Variants in KIF25 observed in about 807,000 individuals in gnomAD.
The protein encoded by KIF25 is kinesin-like protein KIF25.
KIF25 carries 19 observed loss-of-function variants against 32.9 expected under a neutral mutation model. The ratio of observed to expected loss-of-function variants is 0.58; its 90% CI spans 0.40 to 0.85. The LOEUF is 0.85. Ranked by LOEUF, KIF25 falls within the 40% of genes least tolerant of loss-of-function variation. KIF25 has a pLI of 0.00. For synonymous variants in KIF25, 225 were observed against 213.7 expected (o/e 1.05, Z -0.46); for missense variants, 485 against 507.0 (o/e 0.96, Z 0.42).
chr6:168,025,568 C>T (rs1224563195), intron 5 of KIF25, among the ~76,000 whole-genome samples: 1 of 152,104 alleles, frequency 6.6e-6, no homozygotes, highest in Non-Finnish European at 1.5e-5. Flanking sequence ...CTCCCGACCC[C>T]ACCTCCAATC....
intron 2 of KIF25, among the ~76,000 whole-genome samples, chr6:168,001,976 CT>C (rs1798511913): frequency 1.5e-5 from 2 of 131,242 alleles, no homozygotes; most frequent in African/African-American, 2.8e-5. Flanking sequence ...GAGAAGACAC[CT>C]TCAGGCGTAG....
chr6:168,011,258 G>T (rs552457746), intron 4 of KIF25, among the ~76,000 whole-genome samples: 9 of 151,932 alleles, frequency 5.9e-5, no homozygotes, highest in Admixed American at 2.0e-4. Context: ...GATTCCTTTT[G>T]GTATCTTCTT....
At chr6:168,006,573 C>T (rs1798582767) in intron 4 of KIF25, among the ~76,000 whole-genome samples, 1 of 152,130 alleles carries the variant, frequency 6.6e-6, no homozygotes, top group South Asian at 2.1e-4. Flanking sequence ...GTTACAAAGT[C>T]CCCAGTGAGA....
intron 8 of KIF25, among the ~76,000 whole-genome samples, chr6:168,037,137 A>G (rs949208558): frequency 1.3e-4 from 20 of 152,350 alleles, no homozygotes; most frequent in African/African-American, 4.6e-4. Context: ...TGTTGCACAC[A>G]CTCAGAGTGT....
Position 168,040,217 on chromosome 6 carries a change from G to A in KIF25, c.646+1G>A, listed in dbSNP as rs142052593. ...ACAGCCTCCTGCTCTGACAGCACTG[G>A]TAAGTCACCATTTGTGCTTGGTCAG... On this transcript the variant is annotated splice_donor_variant, in intron 10 of 12. Coordinates refer to ENST00000643607, the MANE Select transcript of KIF25 (RefSeq NM_030615.4). LOFTEE classifies it high-confidence loss of function. 1 of 1,608,740 alleles carries A rather than the reference G, an allele frequency of 6.2e-7. No individual in the cohort carries two copies. Among genetic ancestry groups the A allele is most frequent in the African/African-American group, 1.3e-5 (1 of 74,764 alleles).
At chr6:168,024,347 C>T (rs1409100860) in intron 5 of KIF25, among the ~76,000 whole-genome samples, 1 of 150,830 alleles carries the variant, frequency 6.6e-6, no homozygotes, top group Non-Finnish European at 1.5e-5. Flanking sequence ...CTGGGCTGAC[C>T]TTTCTTCCAC....
intron 4 of KIF25, among the ~76,000 whole-genome samples, chr6:168,008,731 A>G (rs1057143162): frequency 1.3e-4 from 19 of 151,990 alleles, no homozygotes; most frequent in Non-Finnish European, 2.6e-4. Flanking sequence ...ATTTGTTTGC[A>G]TCCTCTTCAA....
Position 168,033,983 on chromosome 6 carries a change from C to T in KIF25, c.269C>T (p.Pro90Leu). The change falls in exon 8 of 13, where the codon CCA (proline) becomes CTA (leucine). Residue 90 changes from proline to leucine, a missense_variant. Transcript: ENST00000643607. ...GACGGCCCTGTTCTGCCGCTTGACCCACAGAGTGACTTAGGAATTATCCCT... is the reference window on the plus strand; with the variant it reads ...GACGGCCCTGTTCTGCCGCTTGACCTACAGAGTGACTTAGGAATTATCCCT... The part of the protein sequence containing the change: ...SDDGPVLPLD[P>L]QSDLGIIPRV... 1 of 1,614,180 alleles carries T rather than the reference C, an allele frequency of 6.2e-7. No individual in the cohort carries two copies. The highest frequency in any genetic ancestry group is 2.2e-5 in the East Asian group (1 of 44,882).
At chr6:168,035,756 C>T (rs553936107) in intron 8 of KIF25, 25 of 456,204 alleles carry the variant, frequency 5.5e-5, no homozygotes, top group African/African-American at 4.6e-4. Context: ...CAGTGATTTG[C>T]GGCACTGGAA....
chr6:168,031,221 T>C (rs370194745), intron 7 of KIF25, among the ~76,000 whole-genome samples: 1 of 152,246 alleles, frequency 6.6e-6, no homozygotes, highest in African/African-American at 2.4e-5. Flanking sequence ...TTAGGGACTT[T>C]TCCCTTTGGG....
intron 5 of KIF25, among the ~76,000 whole-genome samples, chr6:168,021,824 A>G (rs886191327): frequency 3.0e-4 from 45 of 152,352 alleles, no homozygotes; most frequent in Middle Eastern, 3.4e-3. Context: ...GAAATTACAG[A>G]TAGTGCTGGG....
intron 4 of KIF25, among the ~76,000 whole-genome samples, chr6:168,015,229 G>C (rs1418763374): frequency 6.6e-6 from 1 of 152,144 alleles, no homozygotes; most frequent in Non-Finnish European, 1.5e-5. Context: ...TTTTGTGTCT[G>C]CCTCTGGGAG....
intron 8 of KIF25, 77 bp from the exon 9 acceptor site, chr6:168,038,476 C>G: frequency 6.8e-7 from 1 of 1,469,406 alleles, no homozygotes; most frequent in East Asian, 2.3e-5. Flanking sequence ...TGTAGGGCGT[C>G]TGGGGCTATG....
chr6:168,044,311 C>T (rs1250097381), intron 12 of KIF25, among the ~76,000 whole-genome samples: 2 of 134,570 alleles, frequency 1.5e-5, no homozygotes, highest in African/African-American at 2.9e-5. Context: ...TGCTAGTGAC[C>T]GGCTGCTGAC....
At chr6:168,015,270 G>A (rs1420387467) in intron 4 of KIF25, among the ~76,000 whole-genome samples, 1 of 152,062 alleles carries the variant, frequency 6.6e-6, no homozygotes, top group East Asian at 1.9e-4. Context: ...TGTTGCTCAC[G>A]GGTCTCCTCT....
chr6:168,031,313 T>A (rs750181611), intron 7 of KIF25, among the ~76,000 whole-genome samples: 1 of 152,076 alleles, frequency 6.6e-6, no homozygotes, highest in Non-Finnish European at 1.5e-5. Context: ...AATTTTTTTT[T>A]ACTTAATGGA....
chr6:168,019,465 A>C (rs1323640023), intron 5 of KIF25, among the ~76,000 whole-genome samples: 1 of 152,202 alleles, frequency 6.6e-6, no homozygotes, highest in African/African-American at 2.4e-5. Context: ...TGGAGATGAA[A>C]AAAATGCCAT....
intron 5 of KIF25, among the ~76,000 whole-genome samples, chr6:168,021,551 A>G (rs79112206): frequency 0.013 from 1,988 of 152,318 alleles, 48 homozygotes; most frequent in African/African-American, 0.045. Flanking sequence ...ATAAAAGTTT[A>G]CCATTTTAGC....
At chr6:168,028,639 T>G (rs1798898224) in intron 5 of KIF25, among the ~76,000 whole-genome samples, 1 of 152,134 alleles carries the variant, frequency 6.6e-6, no homozygotes, top group Admixed American at 6.5e-5. Context: ...ACAGCATATA[T>G]AGTATTTTGG....
Sources: gnomAD v4.1 joint callset for allele counts (sites outside exome capture counted in the v4.1 genomes callset) on GRCh38, gnomAD v4.1.1 for gene constraint, MANE v1.5 for transcripts, NCBI Gene and HGNC (gene_info 2026-07-23, HGNC 2026-07-21) for gene names.